LRRFIP1: variants seen among roughly 807,000 people sequenced by gnomAD.
LRRFIP1 encodes LRR binding FLII interacting protein 1.
In LRRFIP1, 62 loss-of-function variants were observed where a neutral mutation model predicts 104.4. The observed-to-expected ratio is 0.59, with a 90% CI of 0.48 to 0.73. LRRFIP1 has a LOEUF of 0.73. Among genes scored for constraint, LRRFIP1 ranks in the 30% least tolerant of loss-of-function variants. LRRFIP1 has a pLI of 0.00. For synonymous variants in LRRFIP1, 300 were observed against 299.0 expected, an observed-to-expected ratio of 1.00 and a Z score of -0.03; for missense variants, 796 against 824.5, an observed-to-expected ratio of 0.97 and a Z score of 0.42.
intron 6 of LRRFIP1, 30 bp from the exon 7 acceptor site, chr2:237,723,516 GTT>G: frequency 7.2e-7 from 1 of 1,384,562 alleles, no homozygotes; most frequent in Non-Finnish European, 9.9e-7. Flanking sequence ...CTTTGCTGTT[GTT>G]TTTTTTTTCT....
intron 23 of LRRFIP1, among the ~76,000 whole-genome samples, chr2:237,778,416 C>T (rs148636797): frequency 2.0e-4 from 30 of 152,250 alleles, no homozygotes; most frequent in African/African-American, 7.0e-4. Flanking sequence ...CAGATGATGC[C>T]CTGCTAATGT....
intron 12 of LRRFIP1, 91 bp downstream of exon 12, chr2:237,748,490 G>A (rs780032158): frequency 1.5e-5 from 19 of 1,229,270 alleles, no homozygotes; most frequent in Non-Finnish European, 2.1e-5. Flanking sequence ...TAATAAGGAT[G>A]TTCCCCAGCG....
Position 237,762,891 on chromosome 2 carries a change from T to C in LRRFIP1, c.1459+2686T>C, listed in dbSNP as rs755036816. Reference sequence around the variant, plus strand: ...ACAGTACAGGTTGAGTCAAATGAGGTCATGGGTGCACCAGATGACAGGACC... The same window carrying C: ...ACAGTACAGGTTGAGTCAAATGAGGCCATGGGTGCACCAGATGACAGGACC... On this transcript the variant is annotated intron_variant, in intron 19 of 23. Transcript: ENST00000308482. 15 of 1,613,850 alleles carry C rather than the reference T, an allele frequency of 9.3e-6. No homozygotes were observed. In the South Asian group the frequency reaches 1.6e-4, roughly 18 times the overall value.
rs1440470248 is a variant in LRRFIP1, at chr2:237,661,575, C to A, written c.96+33835C>A. Among the ~76,000 whole-genome samples the A allele has an allele frequency of 5.3e-5, 8 of 152,244 alleles. No homozygotes were observed. Among genetic ancestry groups the A allele is most frequent in the African/African-American group, 7.2e-5 (3 of 41,474 alleles). Reference sequence around the variant, plus strand: ...CCAGGGCAAACTGCCCTATGTGCATCTCTGTCCTCATCCATGAAACCATCC... The same window carrying A: ...CCAGGGCAAACTGCCCTATGTGCATATCTGTCCTCATCCATGAAACCATCC... On this transcript the variant is annotated intron_variant, in intron 1 of 23. Coordinates refer to ENST00000308482, the MANE Select transcript of LRRFIP1 (RefSeq NM_001137550.2). The surrounding 1 kb of genome is among the most constrained non-coding windows in gnomAD (Gnocchi z 4.4).
chr2:237,647,567 G>A (rs1309049676), intron 1 of LRRFIP1, among the ~76,000 whole-genome samples: 1 of 152,104 alleles, frequency 6.6e-6, no homozygotes, highest in African/African-American at 2.4e-5. Flanking sequence ...GTCCTGCCCT[G>A]TTGCCTGGTG....
chr2:237,751,227 C>T lies in LRRFIP1; in HGVS notation c.823C>T (p.Gln275Ter). 1.2e-6 allele frequency: 2 copies of T among 1,610,394 alleles called. No homozygotes were observed. The highest frequency in any genetic ancestry group is 8.5e-7 in the Non-Finnish European group (1 of 1,178,406). Reference protein sequence around the residue: ...KELNELKDQIQDVEGKYMQGL... With the variant: ...KELNELKDQI ...ACTCAATGAGTTAAAGGACCAGATT[C>T]AGGATGTAGAAGGCAAATACATGCA... The change falls in exon 14 of 24, where the codon CAG (glutamine) becomes TAG (stop). Residue 275 changes from glutamine to a stop codon, truncating the protein, a stop_gained. Coordinates refer to ENST00000308482, the MANE Select transcript of LRRFIP1 (RefSeq NM_001137550.2). LOFTEE classifies it high-confidence loss of function.
chr2:237,771,747 C>T (rs2060669105), intron 20 of LRRFIP1, among the ~76,000 whole-genome samples: 2 of 152,104 alleles, frequency 1.3e-5, no homozygotes, highest in South Asian at 4.2e-4. Flanking sequence ...GCCCAGAAGG[C>T]TCCAAGTGGC....
At chr2:237,706,673 G>A (rs187152698) in intron 1 of LRRFIP1, among the ~76,000 whole-genome samples, 2 of 152,248 alleles carry the variant, frequency 1.3e-5, no homozygotes, top group African/African-American at 2.4e-5. Context: ...TGTCACCCAG[G>A]CTGGAGTGCA....
At chr2:237,776,571 T>C (rs1217644616) in intron 23 of LRRFIP1, among the ~76,000 whole-genome samples, 1 of 152,168 alleles carries the variant, frequency 6.6e-6, no homozygotes, top group Non-Finnish European at 1.5e-5. Flanking sequence ...TCTCCCTATT[T>C]CTCCTATATA....
At chr2:237,631,466 G>T (rs904825120) in intron 1 of LRRFIP1, among the ~76,000 whole-genome samples, 3 of 152,214 alleles carry the variant, frequency 2.0e-5, no homozygotes, top group Non-Finnish European at 2.9e-5. Context: ...ATTTGCAAAT[G>T]CTGTATTATC....
At chr2:237,752,163 T>C (rs943327784) in intron 14 of LRRFIP1, among the ~76,000 whole-genome samples, 2 of 152,158 alleles carry the variant, frequency 1.3e-5, no homozygotes, top group Non-Finnish European at 2.9e-5. Flanking sequence ...TTCCACACTT[T>C]GGGAGGCCGA....
At chr2:237,642,222 G>A (rs1221235411) in intron 1 of LRRFIP1, among the ~76,000 whole-genome samples, 4 of 152,210 alleles carry the variant, frequency 2.6e-5, no homozygotes, top group African/African-American at 7.2e-5. Flanking sequence ...GCCAAGGACC[G>A]CGTGTGTGCA....
At chr2:237,713,075 G>A (rs766837775) in intron 2 of LRRFIP1, among the ~76,000 whole-genome samples, 5 of 151,878 alleles carry the variant, frequency 3.3e-5, no homozygotes, top group South Asian at 2.1e-4. Context: ...TGAGGGGGCC[G>A]CTCTGAGAAC....
In LRRFIP1 at chr2:237,717,863, T is replaced by C. The variant is rs1475600620; in HGVS notation, c.249+54T>C. On this transcript the variant is annotated intron_variant, in intron 4 of 23. Transcript: ENST00000308482. This position sits in a 1 kb window ranked among gnomAD's most constrained non-coding sequence, Gnocchi z 4.2. ...CTCTTCCCTCCCCACTTGAATACAG[T>C]GTTGAGACTTAAATGGTTTATAATG... 7 of 1,278,778 alleles carry C rather than the reference T, an allele frequency of 5.5e-6. No homozygotes were observed. Among genetic ancestry groups the C allele is most frequent in the South Asian group, 1.2e-5 (1 of 84,300 alleles). The allele number at this position is 1,278,778 out of a possible 1,614,324, so 79.2% of individuals were successfully genotyped here.
intron 20 of LRRFIP1, among the ~76,000 whole-genome samples, chr2:237,771,486 T>C (rs1490810426): frequency 1.3e-5 from 2 of 148,968 alleles, no homozygotes; most frequent in African/African-American, 5.0e-5. Flanking sequence ...CTGCAAATAC[T>C]GCACCATTTT....
chr2:237,687,215 TAA>T (rs1406359713), intron 1 of LRRFIP1, among the ~76,000 whole-genome samples: 2 of 152,218 alleles, frequency 1.3e-5, no homozygotes, highest in African/African-American at 4.8e-5. Flanking sequence ...AGTGTGTGGA[TAA>T]AGTCTGTTGT....
chr2:237,712,889 C>T (rs533699383), intron 2 of LRRFIP1, among the ~76,000 whole-genome samples: 39 of 152,260 alleles, frequency 2.6e-4, no homozygotes, highest in African/African-American at 8.7e-4. Flanking sequence ...TAGCTTGGGG[C>T]ACTGGCATTT....
chr2:237,662,783 G>A (rs569639818), intron 1 of LRRFIP1, among the ~76,000 whole-genome samples: 1 of 151,900 alleles, frequency 6.6e-6, no homozygotes, highest in African/African-American at 2.4e-5. Flanking sequence ...TTGGACACTG[G>A]GCCAGATTGA....
chr2:237,676,220 G>A (rs185479889), intron 1 of LRRFIP1, among the ~76,000 whole-genome samples: 9 of 152,256 alleles, frequency 5.9e-5, no homozygotes, highest in Middle Eastern at 6.8e-3. Flanking sequence ...TTTGATTAAC[G>A]TAAATTTTTA....
Sources: allele counts gnomAD v4.1 joint callset (sites outside exome capture counted in the v4.1 genomes callset), GRCh38; gene constraint gnomAD v4.1.1; non-coding constraint Gnocchi (gnomAD v3.1); transcripts MANE v1.5; gene names NCBI Gene and HGNC (gene_info 2026-07-23, HGNC 2026-07-21).